Variants in ZMYM2 observed in about 807,000 individuals in gnomAD.
ZMYM2 encodes the protein zinc finger MYM-type containing 2.
Under a neutral mutation model 162.8 loss-of-function variants are expected in ZMYM2, and 56 were observed. The ratio of observed to expected loss-of-function variants is 0.34; its 90% CI spans 0.28 to 0.43. The LOEUF is 0.43. ZMYM2 is among the 20% of genes least tolerant of loss of function. The pLI is 1.00. For missense variants in ZMYM2, 1,275 were observed against 1,621.8 expected, an observed-to-expected ratio of 0.79 and a Z score of 3.67; for synonymous variants, 510 against 541.6, an observed-to-expected ratio of 0.94 and a Z score of 0.81.
At chr13:19,907,245 T>A in the ZMYM2 span, among the ~76,000 whole-genome samples, 1 of 152,194 alleles carries the variant, frequency 6.6e-6, no homozygotes, top group South Asian at 2.1e-4. Flanking sequence ...GCCTGTTTTT[T>A]AAAACTATGA....
chr13:19,890,785 T>A, the ZMYM2 span, among the ~76,000 whole-genome samples: 61 of 151,200 alleles, frequency 4.0e-4, 2 homozygotes, highest in African/African-American at 1.4e-3. Context: ...GGCAGGAGAA[T>A]GTCGTGAACC....
At chr13:20,031,865 G>GTTTTTTTTTTTTTTTTTTTTTTTTT (rs10642086) in intron 10 of ZMYM2, among the ~76,000 whole-genome samples, 1 of 130,274 alleles carries the variant, frequency 7.7e-6, no homozygotes, top group African/African-American at 2.9e-5. Flanking sequence ...TTCTGTAATT[G>GTTTTTTTTTTTTTTTTTTTTTTTTT]TTTTTTTTTT....
At chr13:19,941,066 T>C in the ZMYM2 span, among the ~76,000 whole-genome samples, 2 of 152,286 alleles carry the variant, frequency 1.3e-5, no homozygotes, top group African/African-American at 2.4e-5. Flanking sequence ...TCCAGCACTT[T>C]AGGAGACTGA....
At chr13:19,997,471 C>G (rs1484261133) in intron 3 of ZMYM2, among the ~76,000 whole-genome samples, 1 of 151,994 alleles carries the variant, frequency 6.6e-6, no homozygotes, top group African/African-American at 2.4e-5. Flanking sequence ...TTTGAAATTT[C>G]TTGTTACTTC....
chr13:19,890,410 C>G, the ZMYM2 span, among the ~76,000 whole-genome samples: 97,090 of 150,034 alleles, frequency 0.65, 35,038 homozygotes, highest in East Asian at 0.88. Flanking sequence ...TCAAGCAATC[C>G]TCCTGCCTCG....
the ZMYM2 span, among the ~76,000 whole-genome samples, chr13:19,921,187 T>A: frequency 6.6e-6 from 1 of 152,286 alleles, no homozygotes; most frequent in South Asian, 2.1e-4. Flanking sequence ...TTGCCCAGGC[T>A]GGAGTGCAAT....
upstream of ZMYM2, among the ~76,000 whole-genome samples, chr13:19,957,534 G>C (rs541768460): frequency 4.7e-4 from 72 of 152,346 alleles, 1 homozygote; most frequent in Admixed American, 4.1e-3. Flanking sequence ...CCCTCGTGGA[G>C]GTGGCCTGTG....
At chr13:20,061,584 T>C (rs1347925528) in intron 17 of ZMYM2, among the ~76,000 whole-genome samples, 4 of 151,948 alleles carry the variant, frequency 2.6e-5, no homozygotes, top group African/African-American at 9.7e-5. Context: ...CCCTAGTTTT[T>C]TGTTTTGTTT....
At chr13:20,007,175 T>C (rs899101308) in intron 6 of ZMYM2, among the ~76,000 whole-genome samples, 8 of 152,126 alleles carry the variant, frequency 5.3e-5, no homozygotes, top group Admixed American at 2.0e-4. Context: ...TGCTCTTGTT[T>C]CCCAAGCTGG....
the ZMYM2 span, among the ~76,000 whole-genome samples, chr13:19,946,524 TG>T: frequency 6.6e-6 from 1 of 152,268 alleles, no homozygotes; most frequent in Non-Finnish European, 1.5e-5. Flanking sequence ...ATCGTTATTC[TG>T]TATAGCAGAA....
the ZMYM2 span, among the ~76,000 whole-genome samples, chr13:19,909,431 G>GTT: frequency 2.5e-4 from 24 of 96,182 alleles, no homozygotes; most frequent in African/African-American, 5.0e-4. Context: ...TGCCTTTTTC[G>GTT]TTTTTTTTTT....
rs1001631772 is a variant in ZMYM2 at position 20,031,774 on chromosome 13, C to T, written c.1968+339C>T. Among the ~76,000 whole-genome samples the T allele has an allele frequency of 3.3e-5, 5 of 151,346 alleles. No individual in the cohort carries two copies. In the South Asian group the frequency reaches 6.2e-4, roughly 19 times the overall value. ...CTCCCTGTCCTGTATTATCTGAGAA[C>T]GATATTTTCTATCACTCAGTACCTG... On this transcript the variant is annotated intron_variant, in intron 10 of 24. Transcript: ENST00000610343.
intron 6 of ZMYM2, among the ~76,000 whole-genome samples, chr13:20,011,623 A>G (rs1432408953): frequency 6.8e-6 from 1 of 147,102 alleles, no homozygotes; most frequent in Admixed American, 6.8e-5. Flanking sequence ...TCTGTCACCC[A>G]GGCTGGAGTG....
upstream of ZMYM2, chr13:19,958,593 G>GC (rs1199088239): frequency 2.0e-5 from 3 of 151,992 alleles, no homozygotes; most frequent in Admixed American, 6.5e-5. Flanking sequence ...CCTACCGAGG[G>GC]GGGGCCCTGA....
intron 2 of ZMYM2, among the ~76,000 whole-genome samples, chr13:19,987,572 C>CGTGTGTGTGTGTGTGTGTGT (rs36128018): frequency 7.5e-5 from 10 of 133,244 alleles, no homozygotes; most frequent in Admixed American, 2.3e-4. Flanking sequence ...CGCCCCGCTA[C>CGTGTGTGTGTGTGTGTGTGT]GTGTGTGTGT....
upstream of ZMYM2, among the ~76,000 whole-genome samples, chr13:19,957,209 T>C (rs1370407024): frequency 6.6e-6 from 1 of 152,230 alleles, no homozygotes; most frequent in East Asian, 1.9e-4. Context: ...TTGCGTCTAT[T>C]AGTTTACACA....
the ZMYM2 span, among the ~76,000 whole-genome samples, chr13:19,944,756 G>A: frequency 6.6e-6 from 1 of 152,046 alleles, no homozygotes; most frequent in African/African-American, 2.4e-5. Context: ...TTCAACCTCC[G>A]CCTCCCAGAA....
Position 20,019,080 on chromosome 13 carries a change from C to CAAAA in ZMYM2, c.1513-457_1513-454dup, listed in dbSNP as rs373936842. Among the ~76,000 whole-genome samples the CAAAA allele has an allele frequency of 2.3e-3, 291 of 127,314 alleles. 2 individuals are homozygous for CAAAA. The highest frequency in any genetic ancestry group is 7.2e-3 in the African/African-American group (244 of 33,986). 83.5% of individuals were successfully genotyped at this position (127,314 alleles called of 152,430 possible). A position where few individuals can be genotyped will look rare whatever the true frequency, so the allele number is the denominator to read the frequency against. ...GGGTGACAAAGCAAAAACTCCATCT[C>CAAAA]AAAAAAAAAAAAACAACAACAACAA... On this transcript the variant is annotated intron_variant, in intron 6 of 24. Transcript: ENST00000610343.
intron 1 of ZMYM2, among the ~76,000 whole-genome samples, chr13:19,959,140 G>C (rs1954854432): frequency 6.7e-6 from 1 of 149,232 alleles, no homozygotes; most frequent in African/African-American, 2.4e-5. Flanking sequence ...GGCTGGGTGA[G>C]GCGGCCGCCA....
Sources: gnomAD v4.1 joint callset for allele counts (sites outside exome capture counted in the v4.1 genomes callset) on GRCh38, gnomAD v4.1.1 for gene constraint, MANE v1.5 for transcripts, NCBI Gene and HGNC (gene_info 2026-07-23, HGNC 2026-07-21) for gene names.